The following KLHL1 variants were observed in gnomAD, a reference collection of about 807,000 sequenced individuals.
KLHL1 encodes kelch-like protein 1.
In KLHL1, 47 loss-of-function variants were observed where a neutral mutation model predicts 77.7. The observed-to-expected ratio is 0.60, with a 90% CI of 0.48 to 0.77. The LOEUF is 0.77. Ranked by LOEUF, KLHL1 falls within the 30% of genes least tolerant of loss-of-function variation. The probability of loss-of-function intolerance (pLI) is 0.00; values close to 1 mark genes in which losing one functional copy is unlikely to be tolerated. For missense variants in KLHL1, 925 were observed against 910.8 expected (o/e 1.02, Z -0.20); for synonymous variants, 360 against 325.2 (o/e 1.11, Z -1.15).
intron 5 of KLHL1, among the ~76,000 whole-genome samples, chr13:69,864,008 T>C (rs1880273973): frequency 6.6e-6 from 1 of 151,998 alleles, no homozygotes; most frequent in Admixed American, 6.6e-5. Context: ...AACAACGCAA[T>C]AATTTATACT....
At chr13:69,802,115 T>C (rs1877411372) in intron 6 of KLHL1, among the ~76,000 whole-genome samples, 1 of 152,054 alleles carries the variant, frequency 6.6e-6, no homozygotes, top group Non-Finnish European at 1.5e-5. Flanking sequence ...GAACATGCAG[T>C]GTTTGATTTC....
At chr13:69,743,361 T>G (rs1874063688) in intron 7 of KLHL1, among the ~76,000 whole-genome samples, 1 of 152,110 alleles carries the variant, frequency 6.6e-6, no homozygotes, top group Admixed American at 6.6e-5. Context: ...AAGTACAAGG[T>G]AGTAGATTGA....
intron 1 of KLHL1, among the ~76,000 whole-genome samples, chr13:70,033,114 A>G (rs1187284149): frequency 6.6e-6 from 1 of 152,110 alleles, no homozygotes; most frequent in Non-Finnish European, 1.5e-5. Flanking sequence ...ATTTCTTCTG[A>G]ATGGTTTATT....
chr13:69,886,791 T>C (rs755064966), intron 4 of KLHL1, among the ~76,000 whole-genome samples: 5 of 152,328 alleles, frequency 3.3e-5, no homozygotes, highest in South Asian at 4.1e-4. Flanking sequence ...TTAAGACTTA[T>C]GTCTTACCAT....
intron 3 of KLHL1, among the ~76,000 whole-genome samples, chr13:69,952,590 C>T (rs191068585): frequency 1.7e-4 from 26 of 151,384 alleles, no homozygotes; most frequent in Admixed American, 1.7e-3. Flanking sequence ...GATGAAAACT[C>T]AAGTTCACAA....
chr13:69,969,409 C>T (rs1490381220), intron 2 of KLHL1, among the ~76,000 whole-genome samples: 1 of 151,824 alleles, frequency 6.6e-6, no homozygotes, highest in African/African-American at 2.4e-5. Context: ...TTATTACATA[C>T]CAATTAGATA....
intron 7 of KLHL1, among the ~76,000 whole-genome samples, chr13:69,741,623 C>T (rs1053877293): frequency 7.2e-5 from 11 of 152,244 alleles, no homozygotes; most frequent in African/African-American, 2.4e-4. Flanking sequence ...CTTACTGTTT[C>T]CCTTCTCTTG....
chr13:69,742,858 G>T (rs1161235669), intron 7 of KLHL1, among the ~76,000 whole-genome samples: 1 of 152,058 alleles, frequency 6.6e-6, no homozygotes, highest in Non-Finnish European at 1.5e-5. Context: ...ATAGGAAATG[G>T]GGATTAGAAA....
At position 69,965,113 on chromosome 13, in the gene KLHL1, T is replaced by C. The variant is rs2482558; in HGVS notation, c.681-3669A>G. On this transcript the variant is annotated intron_variant, in intron 2 of 10. Coordinates refer to ENST00000377844, the MANE Select transcript of KLHL1 (RefSeq NM_020866.3). ...AAATACAATTATTTGGTTTATCTGATGGAAAATGGAATTACAAATACAAGC... is the reference window on the plus strand; with the variant it reads ...AAATACAATTATTTGGTTTATCTGACGGAAAATGGAATTACAAATACAAGC... Among the ~76,000 whole-genome samples, 1,005 of 152,350 alleles carry C rather than the reference T, an allele frequency of 6.6e-3. 15 individuals carry two copies. Among genetic ancestry groups the C allele is most frequent in the African/African-American group, 0.023 (959 of 41,580 alleles).
chr13:69,878,975 A>G (rs112452652), intron 5 of KLHL1, among the ~76,000 whole-genome samples: 7,798 of 152,182 alleles, frequency 0.051, 492 homozygotes, highest in African/African-American at 0.15. Context: ...GCTGGAAACC[A>G]TCATTCTCAG....
chr13:69,731,890 A>C (rs2137915399), intron 8 of KLHL1, among the ~76,000 whole-genome samples: 1 of 152,302 alleles, frequency 6.6e-6, no homozygotes, highest in East Asian at 1.9e-4. Flanking sequence ...AGAAAAACAA[A>C]GTAAAACAAA....
chr13:69,761,600 C>T (rs911945501), intron 7 of KLHL1, among the ~76,000 whole-genome samples: 1 of 152,168 alleles, frequency 6.6e-6, no homozygotes, highest in African/African-American at 2.4e-5. Flanking sequence ...TTTCATGCTA[C>T]ATCAGTCAGT....
intron 1 of KLHL1, among the ~76,000 whole-genome samples, chr13:69,998,197 C>T (rs961359796): frequency 2.6e-5 from 4 of 152,062 alleles, no homozygotes; most frequent in East Asian, 1.9e-4. Flanking sequence ...CAAGAGAAGC[C>T]TCTGCTTTAG....
intron 4 of KLHL1, 88 bp downstream of exon 4, chr13:69,939,952 A>G: frequency 9.8e-7 from 1 of 1,025,214 alleles, no homozygotes; most frequent in South Asian, 2.1e-5. Flanking sequence ...TTTAAACTTA[A>G]AAAACTTGCT....
chr13:69,996,437 T>G (rs1478119341), intron 1 of KLHL1, among the ~76,000 whole-genome samples: 1 of 152,148 alleles, frequency 6.6e-6, no homozygotes, highest in East Asian at 1.9e-4. Flanking sequence ...ATCACTAATA[T>G]AATCAGGCAA....
intron 7 of KLHL1, among the ~76,000 whole-genome samples, chr13:69,744,359 T>C (rs1874112699): frequency 6.6e-6 from 1 of 152,030 alleles, no homozygotes; most frequent in African/African-American, 2.4e-5. Context: ...TGAAAATAGG[T>C]TCTGCACATG....
rs76364675 is a variant in KLHL1, at chr13:70,021,042, A to G, written c.498-45240T>C. Among the ~76,000 whole-genome samples, 968 of 152,094 alleles carry G rather than the reference A, an allele frequency of 6.4e-3. 9 individuals carry two copies. The highest frequency in any genetic ancestry group is 0.022 in the African/African-American group (924 of 41,512). On this transcript the variant is annotated intron_variant, in intron 1 of 10. Coordinates refer to ENST00000377844, the MANE Select transcript of KLHL1 (RefSeq NM_020866.3). The stretch of plus-strand genomic sequence containing the variant: ...CTATGTTGATACCTTATTATTACCT[A>G]AAGTCCATAGTTTATATTTGGACTC...
chr13:69,914,160 C>A (rs1882338069), intron 4 of KLHL1, among the ~76,000 whole-genome samples: 1 of 152,088 alleles, frequency 6.6e-6, no homozygotes, highest in Non-Finnish European at 1.5e-5. Flanking sequence ...GGGACCTCAC[C>A]TTGTGATCCT....
At position 69,707,704 on chromosome 13, in the gene KLHL1, T is replaced by C; in HGVS notation, c.2108A>G (p.Tyr703Cys). 6.2e-7 allele frequency: 1 copy of C among 1,612,922 alleles called. No individual in the cohort carries two copies. Among genetic ancestry groups the C allele is most frequent in the Non-Finnish European group, 8.5e-7 (1 of 1,179,258 alleles). ...VGVCLLGDRLYAVGGYDGQTY... is the reference protein window; with the variant it reads ...VGVCLLGDRLCAVGGYDGQTY... ...CTGTCCATCATAGCCACCAACAGCA[T>C]ATAATCTGTCACCAAGGAGACAGAC... Residue 703 changes from tyrosine (Y) to cysteine (C), a missense_variant, in exon 10 of 11, where the codon TAT (tyrosine) becomes TGT (cysteine). By Grantham distance (194) the Tyr-to-Cys change is radical (BLOSUM62 -2). Transcript: ENST00000377844.
Sources: allele counts gnomAD v4.1 joint callset (sites outside exome capture counted in the v4.1 genomes callset), GRCh38; gene constraint gnomAD v4.1.1; transcripts MANE v1.5; gene names NCBI Gene and HGNC (gene_info 2026-07-23, HGNC 2026-07-21).